The following GUCD1 variants were observed in gnomAD, a reference collection of about 807,000 sequenced individuals.
The protein encoded by GUCD1 is guanylyl cyclase domain containing 1, also known as protein GUCD1.
In GUCD1, 17 loss-of-function variants were observed where a neutral mutation model predicts 28.3. The ratio of observed to expected loss-of-function variants is 0.60; its 90% CI spans 0.41 to 0.90. GUCD1 has a LOEUF of 0.90. Among genes scored for constraint, GUCD1 ranks in the 40% least tolerant of loss-of-function variants. The pLI is 0.00. For missense variants in GUCD1, 279 were observed against 305.5 expected (o/e 0.91, Z 0.65); for synonymous variants, 129 against 123.3 (o/e 1.05, Z -0.30).
chr22:24,545,128 G>C (rs1387289710), intron 4 of GUCD1, among the ~76,000 whole-genome samples: 1 of 152,162 alleles, frequency 6.6e-6, no homozygotes, highest in Non-Finnish European at 1.5e-5. Flanking sequence ...ATCTTTGCTG[G>C]AGGGGCTGCT....
chr22:24,543,958 G>T lies in GUCD1; in HGVS notation c.512C>A (p.Pro171His), dbSNP rs372711905. The change falls in exon 5 of 6, where the codon CCC becomes CAC. Residue 171 changes from proline (P) to histidine (H), a missense_variant. Coordinates refer to ENST00000435822, the MANE Select transcript of GUCD1 (RefSeq NM_001284254.2). Reference protein sequence around the residue: ...SSPVKYCCFTPSGHHCFCRTP... With the variant: ...SSPVKYCCFTHSGHHCFCRTP... Reference sequence around the variant, plus strand: ...GCGGCAGAAGCAGTGGTGGCCACTGGGGGTGAAGCAGCAGTACTTGACAGG... The same window carrying T: ...GCGGCAGAAGCAGTGGTGGCCACTGTGGGTGAAGCAGCAGTACTTGACAGG... 1.2e-6 allele frequency: 2 copies of T among 1,614,052 alleles called. No homozygotes were observed. Among genetic ancestry groups the T allele is most frequent in the Non-Finnish European group, 1.7e-6 (2 of 1,179,974 alleles).
At chr22:24,551,956 G>A (rs1342713071) in intron 1 of GUCD1, among the ~76,000 whole-genome samples, 1 of 152,258 alleles carries the variant, frequency 6.6e-6, no homozygotes, top group Non-Finnish European at 1.5e-5. Flanking sequence ...CCTCATCAGT[G>A]AACTAGTGCC....
intron 4 of GUCD1, among the ~76,000 whole-genome samples, chr22:24,546,109 C>G (rs2044719848): frequency 6.6e-6 from 1 of 151,990 alleles, no homozygotes. Flanking sequence ...CTACAGGCGC[C>G]TGCCACCACG....
intron 1 of GUCD1, among the ~76,000 whole-genome samples, chr22:24,551,739 T>C (rs1601550913): frequency 1.3e-5 from 2 of 152,244 alleles, no homozygotes; most frequent in Admixed American, 1.3e-4. Flanking sequence ...TCCTTCACAG[T>C]GCTTGGCAAA....
At chr22:24,555,785 C>T (rs1022939107), upstream of GUCD1, 7 of 1,549,762 alleles carry the variant, frequency 4.5e-6, no homozygotes, top group African/African-American at 1.4e-5. Flanking sequence ...GGCTCTTTGC[C>T]GGCCCCAAGG....
rs1336823616 is a variant in GUCD1 at position 24,548,007 on chromosome 22, G to A, written c.195C>T (p.Ser65=). The A allele has an allele frequency of 6.2e-7, 1 of 1,614,170 alleles. No homozygotes were observed. The highest frequency in any genetic ancestry group is 1.7e-5 in the Admixed American group (1 of 60,034). ...RALQKLQLTR[S]IWTIDLAYLM... ...GGTAGGCCAGGTCGATGGTCCAGAT[G>A]CTCCTGGTCAGCTGCAGCTTCTGCA... Residue 65 remains serine, a synonymous_variant, in exon 3 of 6, where the codon AGC becomes AGT. Coordinates refer to ENST00000435822, the MANE Select transcript of GUCD1 (RefSeq NM_001284254.2).
At chr22:24,555,700 C>A, upstream of GUCD1, 1 of 1,550,652 alleles carries the variant, frequency 6.4e-7, no homozygotes, top group Non-Finnish European at 8.7e-7. Flanking sequence ...GTCTGAGGGC[C>A]CAAGCCCCGC....
At chr22:24,549,084 C>T (rs1238272517) in intron 1 of GUCD1, 83 bp from the exon 2 acceptor site, 6 of 925,378 alleles carry the variant, frequency 6.5e-6, no homozygotes, top group Non-Finnish European at 1.0e-5. Flanking sequence ...GTCACTGCCT[C>T]CTGCCTAGAC....
intron 1 of GUCD1, among the ~76,000 whole-genome samples, chr22:24,550,318 T>A (rs1214300670): frequency 6.6e-6 from 1 of 151,960 alleles, no homozygotes; most frequent in African/African-American, 2.4e-5. Context: ...ATAGCAAAAA[T>A]AAGCAAACAT....
rs2044674102 is a variant in GUCD1 at position 24,544,373 on chromosome 22, C to T, written c.387-290G>A. On this transcript the variant is annotated intron_variant, in intron 4 of 5. Transcript: ENST00000435822. ...TCCAGGTGGGTCCAGTCAAGGGCCA[C>T]TAGAGCAGCACACAGAAACCATCCT... Among the ~76,000 whole-genome samples the T allele has an allele frequency of 2.6e-5, 4 of 152,186 alleles. No homozygotes were observed. In the South Asian group the frequency reaches 8.3e-4, roughly 32 times the overall value.
At chr22:24,555,889 A>C, upstream of GUCD1, 2 of 1,504,450 alleles carry the variant, frequency 1.3e-6, no homozygotes, top group Non-Finnish European at 1.8e-6. Context: ...CGGCAGGCGG[A>C]GTGAGGAGGA....
At chr22:24,547,182 C>A in intron 3 of GUCD1, 177 bp from the exon 4 acceptor site, 1 of 596,612 alleles carries the variant, frequency 1.7e-6, no homozygotes, top group African/African-American at 1.8e-5. Context: ...CTGTCCTAAG[C>A]AGGAGCAGGG....
chr22:24,555,139 G>C (rs919091434), upstream of GUCD1: 15 of 1,305,700 alleles, frequency 1.1e-5, no homozygotes, highest in African/African-American at 4.7e-5. Flanking sequence ...GGCGGCGGCT[G>C]GGCCGCCCCA....
Position 24,543,828 on chromosome 22 carries a change from C to A in GUCD1, c.628+14G>T. The A allele has an allele frequency of 1.2e-6, 2 of 1,612,372 alleles. No individual in the cohort carries two copies. The highest frequency in any genetic ancestry group is 1.7e-6 in the Non-Finnish European group (2 of 1,178,846). On this transcript the variant is annotated intron_variant, in intron 5 of 5. Coordinates refer to ENST00000435822, the MANE Select transcript of GUCD1 (RefSeq NM_001284254.2). ...GTGGACCACTCTGCCTCACCCACCC[C>A]ACCCAGCACTCACGGTCGGCATAGG...
intron 4 of GUCD1, 123 bp from the exon 5 acceptor site, chr22:24,544,206 C>G: frequency 3.8e-6 from 5 of 1,333,194 alleles, no homozygotes; most frequent in Non-Finnish European, 5.1e-6. Context: ...TTCCCTTTGC[C>G]CTGAACTCCC....
At chr22:24,554,086 C>G (rs1236571943) in intron 1 of GUCD1, among the ~76,000 whole-genome samples, 1 of 152,262 alleles carries the variant, frequency 6.6e-6, no homozygotes, top group Non-Finnish European at 1.5e-5. Flanking sequence ...GTGCAAATCA[C>G]AGTGGGCACC....
intron 3 of GUCD1, 43 bp downstream of exon 3, chr22:24,547,865 C>CT (rs2044768325): frequency 3.7e-6 from 6 of 1,608,362 alleles, no homozygotes; most frequent in Non-Finnish European, 5.1e-6. Context: ...CCTTATACCT[C>CT]TGTGTGGCCC....
chr22:24,547,806 G>C, intron 3 of GUCD1, 102 bp downstream of exon 3: 2 of 1,218,130 alleles, frequency 1.6e-6, no homozygotes, highest in Admixed American at 1.9e-5. Flanking sequence ...TATCTACCTG[G>C]GTGTCTAGCC....
At chr22:24,555,713 C>T (rs1284067033), upstream of GUCD1, 1 of 1,550,704 alleles carries the variant, frequency 6.4e-7, no homozygotes, top group Non-Finnish European at 8.7e-7. Flanking sequence ...AGCCCCGCGT[C>T]TCCGCCTTGC....
Sources: gnomAD v4.1 joint callset for allele counts (sites outside exome capture counted in the v4.1 genomes callset) on GRCh38, gnomAD v4.1.1 for gene constraint, MANE v1.5 for transcripts, NCBI Gene and HGNC (gene_info 2026-07-23, HGNC 2026-07-21) for gene names.